Variants in IQSEC1 observed in about 807,000 individuals in gnomAD.
The protein encoded by IQSEC1 is IQ motif and SEC7 domain-containing protein 1.
IQSEC1 carries 31 observed loss-of-function variants against 91.0 expected under a neutral mutation model. That is an observed-to-expected ratio of 0.34 (90% CI 0.26 to 0.46). IQSEC1 has a LOEUF of 0.46. Ranked by LOEUF, IQSEC1 falls within the 20% of genes least tolerant of loss-of-function variation. IQSEC1 has a pLI of 1.00. For missense variants in IQSEC1, 1,388 were observed against 1,575.6 expected, an observed-to-expected ratio of 0.88 and a Z score of 2.02; for synonymous variants, 699 against 662.6, an observed-to-expected ratio of 1.05 and a Z score of -0.84.
chr3:13,192,071 C>A (rs1189784392), intron 1 of IQSEC1, among the ~76,000 whole-genome samples: 2 of 152,164 alleles, frequency 1.3e-5, no homozygotes, highest in East Asian at 3.9e-4. Context: ...CACGGTGGCT[C>A]ACGCCTGTAA....
intron 1 of IQSEC1, among the ~76,000 whole-genome samples, chr3:12,965,042 C>T (rs1700475363): frequency 6.6e-6 from 1 of 152,204 alleles, no homozygotes; most frequent in South Asian, 2.1e-4. Flanking sequence ...CCTAGCAGGG[C>T]TAGCCAGGGC....
At chr3:12,951,445 CAA>C (rs34564171) in intron 1 of IQSEC1, among the ~76,000 whole-genome samples, 2 of 143,782 alleles carry the variant, frequency 1.4e-5, no homozygotes, top group South Asian at 2.2e-4. Context: ...ACCTCTATCT[CAA>C]AAAAAAAAAA....
intron 2 of IQSEC1, among the ~76,000 whole-genome samples, chr3:13,163,504 G>A (rs1026803565): frequency 2.4e-5 from 3 of 124,006 alleles, no homozygotes; most frequent in Non-Finnish European, 3.3e-5. Context: ...CTGGGCCTCA[G>A]GCCCCGTGGC....
At chr3:13,065,700 C>A (rs1705207772) in intron 1 of IQSEC1, among the ~76,000 whole-genome samples, 1 of 152,178 alleles carries the variant, frequency 6.6e-6, no homozygotes, top group African/African-American at 2.4e-5. Context: ...AGTCAGCATC[C>A]AATCACAATC....
chr3:13,027,957 G>A (rs1407641877), intron 1 of IQSEC1, among the ~76,000 whole-genome samples: 1 of 152,202 alleles, frequency 6.6e-6, no homozygotes, highest in Non-Finnish European at 1.5e-5. Flanking sequence ...AAATACATCT[G>A]TGAGTGTCTA....
chr3:12,959,410 C>T lies in IQSEC1; in HGVS notation c.24-17545G>A, dbSNP rs370706440. Among the ~76,000 whole-genome samples, 186 of 152,334 alleles carry T rather than the reference C, an allele frequency of 1.2e-3. 1 individual carries two copies. The highest frequency in any genetic ancestry group is 4.3e-3 in the African/African-American group (177 of 41,564). On this transcript the variant is annotated intron_variant, in intron 1 of 13. Transcript: ENST00000613206. ...GAGGCTGACAGCCCATTCCACACCCCGCCCTCCAGAGGTCCTAGGCAGATG... is the reference window on the plus strand; with the variant it reads ...GAGGCTGACAGCCCATTCCACACCCTGCCCTCCAGAGGTCCTAGGCAGATG...
chr3:12,931,322 T>A (rs547183237), intron 3 of IQSEC1, among the ~76,000 whole-genome samples: 1 of 152,222 alleles, frequency 6.6e-6, no homozygotes, highest in Admixed American at 6.5e-5. Flanking sequence ...AGAGAGCCCA[T>A]CCTTTCCATC....
At chr3:13,217,740 C>A (rs1694577561) in intron 1 of IQSEC1, among the ~76,000 whole-genome samples, 1 of 152,292 alleles carries the variant, frequency 6.6e-6, no homozygotes, top group South Asian at 2.1e-4. Flanking sequence ...AGAAAATTCA[C>A]TTTTATTTAT....
chr3:13,246,614 G>A (rs892775185), intron 1 of IQSEC1, among the ~76,000 whole-genome samples: 19 of 152,194 alleles, frequency 1.2e-4, no homozygotes, highest in African/African-American at 3.6e-4. Context: ...AGACTGTGGC[G>A]GCAGGCGGCA....
chr3:13,147,360 C>G (rs1001415064), intron 2 of IQSEC1, among the ~76,000 whole-genome samples: 1 of 150,962 alleles, frequency 6.6e-6, no homozygotes, highest in African/African-American at 2.4e-5. Context: ...TATATCACAC[C>G]GTATGCCTTT....
intron 1 of IQSEC1, among the ~76,000 whole-genome samples, chr3:13,065,879 C>T (rs937310967): frequency 3.3e-5 from 5 of 152,224 alleles, no homozygotes; most frequent in Admixed American, 2.0e-4. Context: ...GTGGTCCATC[C>T]GCACAATGGA....
intron 2 of IQSEC1, among the ~76,000 whole-genome samples, chr3:13,143,941 C>T (rs555290857): frequency 7.9e-5 from 12 of 152,262 alleles, no homozygotes; most frequent in Admixed American, 2.6e-4. Context: ...GGTTTTCTGT[C>T]CCCGGTAGAG....
At chr3:13,025,913 C>G (rs1055893273) in intron 1 of IQSEC1, among the ~76,000 whole-genome samples, 8 of 152,220 alleles carry the variant, frequency 5.3e-5, no homozygotes, top group African/African-American at 1.9e-4. Context: ...GGCCCCCACT[C>G]CATCACAACA....
Position 13,209,065 on chromosome 3 carries a change from G to A in IQSEC1, c.273-44932C>T, listed in dbSNP as rs144704334. On this transcript the variant is annotated intron_variant, in intron 1 of 15. Coordinates refer to the IQSEC1 transcript ENST00000648114. ...CGACTGTCCTGGCTGCCTGGACTGCGGTGCCACTTGTCATCACAGGGATGG... is the reference window on the plus strand; with the variant it reads ...CGACTGTCCTGGCTGCCTGGACTGCAGTGCCACTTGTCATCACAGGGATGG... 5.4e-4 allele frequency among the ~76,000 whole-genome samples: 82 copies of A among 152,284 alleles called. 1 individual carries two copies. The highest frequency in any genetic ancestry group is 1.7e-3 in the Admixed American group (26 of 15,306).
intron 1 of IQSEC1, among the ~76,000 whole-genome samples, chr3:13,009,893 C>A (rs1230871342): frequency 6.6e-6 from 1 of 152,188 alleles, no homozygotes; most frequent in Non-Finnish European, 1.5e-5. Flanking sequence ...GTCCTCCATC[C>A]AAGCTCCCTA....
intron 1 of IQSEC1, among the ~76,000 whole-genome samples, chr3:13,262,354 T>C (rs1384533598): frequency 6.6e-6 from 1 of 152,188 alleles, no homozygotes; most frequent in Non-Finnish European, 1.5e-5. Context: ...CCTGTCCCCG[T>C]CCCTCTTAGG....
intron 12 of IQSEC1, among the ~76,000 whole-genome samples, chr3:12,907,154 C>G (rs1320199391): frequency 6.6e-6 from 1 of 152,166 alleles, no homozygotes; most frequent in Non-Finnish European, 1.5e-5. Flanking sequence ...TTGAGAAGCC[C>G]TGGGTTCAAC....
chr3:13,096,811 T>C (rs1021147893), intron 2 of IQSEC1, among the ~76,000 whole-genome samples: 1 of 151,914 alleles, frequency 6.6e-6, no homozygotes, highest in Non-Finnish European at 1.5e-5. Context: ...CAACCATCAT[T>C]TAATGAGCAC....
chr3:13,278,525 G>T (rs537464639), intron 1 of IQSEC1, among the ~76,000 whole-genome samples: 8 of 152,270 alleles, frequency 5.3e-5, no homozygotes, highest in South Asian at 2.1e-4. Flanking sequence ...GGGTGGATAG[G>T]AGCTGGGGGG....
Sources: gnomAD v4.1 joint callset for allele counts (sites outside exome capture counted in the v4.1 genomes callset) on GRCh38, gnomAD v4.1.1 for gene constraint, MANE v1.5 for transcripts, NCBI Gene and HGNC (gene_info 2026-07-23, HGNC 2026-07-21) for gene names.